The following OXR1 variants were observed in gnomAD, a reference collection of about 807,000 sequenced individuals.
OXR1 encodes the protein oxidation resistance protein 1.
In OXR1, 41 loss-of-function variants were observed where a neutral mutation model predicts 104.6. The observed-to-expected ratio is 0.39, with a 90% confidence interval of 0.31 to 0.51. OXR1 has a LOEUF of 0.51. Ranked by LOEUF, OXR1 falls within the 20% of genes least tolerant of loss-of-function variation. The pLI is 0.77. For missense variants in OXR1, 955 were observed against 1,031.9 expected, an observed-to-expected ratio of 0.93 and a Z score of 1.02; for synonymous variants, 348 against 348.4, an observed-to-expected ratio of 1.00 and a Z score of 0.01.
intron 3 of OXR1, among the ~76,000 whole-genome samples, chr8:106,669,350 T>G (rs1281115130): frequency 6.6e-6 from 1 of 152,152 alleles, no homozygotes; most frequent in African/African-American, 2.4e-5. Flanking sequence ...GATTTCTACT[T>G]TCAAAAATTC....
chr8:106,540,100 A>G (rs1320863952), intron 3 of OXR1, among the ~76,000 whole-genome samples: 1 of 152,214 alleles, frequency 6.6e-6, no homozygotes, highest in African/African-American at 2.4e-5. Flanking sequence ...ACTAGCAGCA[A>G]TTTGGGTAAA....
intron 1 of OXR1, among the ~76,000 whole-genome samples, chr8:106,322,774 T>G (rs777659694): frequency 5.9e-5 from 9 of 151,986 alleles, no homozygotes; most frequent in Admixed American, 5.2e-4. Context: ...AGAAAGGCAA[T>G]CCCATTCACA....
intron 3 of OXR1, among the ~76,000 whole-genome samples, chr8:106,551,248 T>A (rs1815779580): frequency 6.6e-6 from 1 of 152,208 alleles, no homozygotes; most frequent in Non-Finnish European, 1.5e-5. Flanking sequence ...AACATCGTAT[T>A]CAACCAACAA....
chr8:106,665,749 A>G (rs891541049), intron 3 of OXR1, among the ~76,000 whole-genome samples: 2 of 152,210 alleles, frequency 1.3e-5, no homozygotes, highest in African/African-American at 4.8e-5. Context: ...GTTGTTCAAT[A>G]GGTGATACTA....
chr8:106,321,991 A>G (rs1814241056), intron 1 of OXR1, among the ~76,000 whole-genome samples: 1 of 152,218 alleles, frequency 6.6e-6, no homozygotes, highest in Admixed American at 6.5e-5. Flanking sequence ...ATGAGAAAAT[A>G]AGAAAATAGT....
At chr8:106,353,644 A>T (rs1273748876) in intron 1 of OXR1, among the ~76,000 whole-genome samples, 1 of 152,134 alleles carries the variant, frequency 6.6e-6, no homozygotes, top group East Asian at 1.9e-4. Flanking sequence ...TTTATGATAT[A>T]CAACATGATG....
At chr8:106,681,904 T>C (rs1371518327) in intron 4 of OXR1, among the ~76,000 whole-genome samples, 3 of 152,182 alleles carry the variant, frequency 2.0e-5, no homozygotes, top group Non-Finnish European at 2.9e-5. Context: ...ATGAGTCTAC[T>C]CTGGATGGTT....
chr8:106,569,848 T>A (rs915106453), intron 3 of OXR1, among the ~76,000 whole-genome samples: 1 of 152,252 alleles, frequency 6.6e-6, no homozygotes. Flanking sequence ...GGAACATTTG[T>A]AGCTTGTACA....
rs545088638 is a variant in OXR1, at chr8:106,685,636, C to CA, written c.525+1283dup. On this transcript the variant is annotated intron_variant, in intron 6 of 16. Transcript: ENST00000517566. ...GACTTAGCTACTGTCAAAGATGGAC[C>CA]AAAAAACTTCCTGTAATTTGGCCAG... Among the ~76,000 whole-genome samples, 108 of 150,836 alleles carry CA rather than the reference C, an allele frequency of 7.2e-4. 1 individual carries two copies. Among genetic ancestry groups the CA allele is most frequent in the African/African-American group, 2.5e-3 (103 of 41,028 alleles).
intron 11 of OXR1, among the ~76,000 whole-genome samples, chr8:106,724,607 A>G (rs1162026736): frequency 6.6e-6 from 1 of 152,240 alleles, no homozygotes; most frequent in East Asian, 1.9e-4. Flanking sequence ...CTGATTAATT[A>G]GAAACCATTT....
chr8:106,338,116 C>T (rs1815038685), intron 1 of OXR1, among the ~76,000 whole-genome samples: 7 of 152,060 alleles, frequency 4.6e-5, no homozygotes, highest in Admixed American at 4.6e-4. Flanking sequence ...ACAAACCAGA[C>T]CAAACCAAAA....
chr8:106,344,024 CA>C (rs1223177005), intron 1 of OXR1, among the ~76,000 whole-genome samples: 1 of 152,106 alleles, frequency 6.6e-6, no homozygotes, highest in African/African-American at 2.4e-5. Context: ...ACTGGTAGTT[CA>C]GAAACTAACT....
intron 1 of OXR1, among the ~76,000 whole-genome samples, chr8:106,309,684 C>G (rs989098915): frequency 1.6e-4 from 24 of 151,174 alleles, no homozygotes; most frequent in African/African-American, 5.3e-4. Flanking sequence ...GTAAAATTTT[C>G]TAATATTTTA....
chr8:106,530,121 G>T (rs758322105), intron 3 of OXR1, among the ~76,000 whole-genome samples: 3 of 152,104 alleles, frequency 2.0e-5, no homozygotes, highest in African/African-American at 7.2e-5. Context: ...AACTAATGGC[G>T]ATTTGAACAG....
intron 2 of OXR1, among the ~76,000 whole-genome samples, chr8:106,399,983 G>A (rs1817935339): frequency 6.6e-6 from 1 of 152,082 alleles, no homozygotes; most frequent in African/African-American, 2.4e-5. Context: ...GTTACATAAA[G>A]CAATTATATG....
chr8:106,486,653 G>A (rs558276136), intron 2 of OXR1, among the ~76,000 whole-genome samples: 11 of 152,000 alleles, frequency 7.2e-5, no homozygotes, highest in Non-Finnish European at 1.5e-4. Context: ...GTGGAAAATA[G>A]ACCTATTTTT....
intron 3 of OXR1, among the ~76,000 whole-genome samples, chr8:106,565,529 TATC>T (rs1332614631): frequency 2.0e-5 from 3 of 152,094 alleles, no homozygotes; most frequent in Non-Finnish European, 4.4e-5. Context: ...GAAGAATAAA[TATC>T]ATGAAAATGG....
At chr8:106,426,789 A>G (rs992154759) in intron 2 of OXR1, among the ~76,000 whole-genome samples, 3 of 152,206 alleles carry the variant, frequency 2.0e-5, no homozygotes, top group African/African-American at 7.2e-5. Flanking sequence ...ATTATTTGCT[A>G]GGCTGCCTGA....
chr8:106,700,572 A>T (rs1027089444), intron 7 of OXR1, among the ~76,000 whole-genome samples: 2 of 152,166 alleles, frequency 1.3e-5, no homozygotes, highest in Non-Finnish European at 2.9e-5. Context: ...AGTGGGTAGG[A>T]CTTCAAACTC....
Sources: allele counts gnomAD v4.1 joint callset (sites outside exome capture counted in the v4.1 genomes callset), GRCh38; gene constraint gnomAD v4.1.1; transcripts MANE v1.5; gene names NCBI Gene and HGNC (gene_info 2026-07-23, HGNC 2026-07-21).